Variants in DOCK9 observed in about 807,000 individuals in gnomAD.
DOCK9 encodes dedicator of cytokinesis protein 9.
DOCK9 carries 89 observed loss-of-function variants against 263.3 expected under a neutral mutation model. The ratio of observed to expected loss-of-function variants is 0.34; its 90% CI spans 0.28 to 0.40. The LOEUF is 0.40. Among genes scored for constraint, DOCK9 ranks in the 10% least tolerant of loss-of-function variants. DOCK9 has a pLI of 1.00. For missense variants in DOCK9, 2,140 were observed against 2,603.4 expected (o/e 0.82, Z 3.87); for synonymous variants, 976 against 973.1 (o/e 1.00, Z -0.06).
intron 1 of DOCK9, among the ~76,000 whole-genome samples, chr13:99,071,918 T>C (rs2142379247): frequency 6.6e-6 from 1 of 152,350 alleles, no homozygotes; most frequent in Non-Finnish European, 1.5e-5. Flanking sequence ...TTCCTCATCA[T>C]GGGGCATTAG....
chr13:99,087,313 G>C (rs576336698), upstream of DOCK9, among the ~76,000 whole-genome samples: 6 of 152,326 alleles, frequency 3.9e-5, no homozygotes, highest in African/African-American at 1.2e-4. Flanking sequence ...CCGCCGGGAC[G>C]GCCAGCTGCG....
chr13:98,848,677 G>A (rs1301174625), intron 36 of DOCK9, 38 bp from the exon 37 acceptor site: 2 of 1,589,484 alleles, frequency 1.3e-6, no homozygotes, highest in African/African-American at 2.7e-5. Flanking sequence ...GAAATGCAAA[G>A]ATAAAATTAT....
intron 1 of DOCK9, 26 bp downstream of exon 1, chr13:98,977,758 C>T (rs760273258): frequency 3.1e-5 from 50 of 1,608,996 alleles, no homozygotes; most frequent in Non-Finnish European, 4.0e-5. Flanking sequence ...GTAGACACAG[C>T]AACACTTTGT....
At chr13:99,063,152 C>T (rs1452398852) in intron 1 of DOCK9, among the ~76,000 whole-genome samples, 1 of 152,178 alleles carries the variant, frequency 6.6e-6, no homozygotes, top group Non-Finnish European at 1.5e-5. Flanking sequence ...AAGAAAAGAA[C>T]CAACAGGAAG....
intron 23 of DOCK9, among the ~76,000 whole-genome samples, chr13:98,882,595 G>A (rs557559390): frequency 6.6e-6 from 1 of 152,186 alleles, no homozygotes; most frequent in South Asian, 2.1e-4. Flanking sequence ...GACACGCCAG[G>A]AACCCCTTGC....
chr13:98,864,114 T>G (rs1270293641), intron 30 of DOCK9, among the ~76,000 whole-genome samples: 1 of 152,244 alleles, frequency 6.6e-6, no homozygotes, highest in Non-Finnish European at 1.5e-5. Context: ...TATTCTGCTA[T>G]CCCTGAATGA....
intron 2 of DOCK9, among the ~76,000 whole-genome samples, chr13:98,949,447 C>T (rs2057138345): frequency 6.6e-6 from 1 of 152,092 alleles, no homozygotes; most frequent in Admixed American, 6.6e-5. Context: ...AAAGATGCAA[C>T]TAAGCAGAAC....
chr13:99,069,445 T>A (rs1259361211), intron 1 of DOCK9, among the ~76,000 whole-genome samples: 2 of 152,228 alleles, frequency 1.3e-5, no homozygotes, highest in Non-Finnish European at 1.5e-5. Context: ...ATGGTGCAAA[T>A]AGATGTTTCA....
At chr13:98,971,268 C>G (rs1295970970) in intron 1 of DOCK9, among the ~76,000 whole-genome samples, 3 of 152,192 alleles carry the variant, frequency 2.0e-5, no homozygotes, top group African/African-American at 7.2e-5. Flanking sequence ...TCTGCAGCCT[C>G]GTGTTTAGCT....
At chr13:98,888,749 G>A in intron 15 of DOCK9, 38 bp from the exon 16 acceptor site, 1 of 1,568,708 alleles carries the variant, frequency 6.4e-7, no homozygotes, top group South Asian at 1.1e-5. Flanking sequence ...ACATTCGTAA[G>A]TTAACTCTAA....
At chr13:98,807,271 C>CG (rs1384550781) in intron 48 of DOCK9, among the ~76,000 whole-genome samples, 1 of 152,194 alleles carries the variant, frequency 6.6e-6, no homozygotes, top group Non-Finnish European at 1.5e-5. Context: ...TTCACCCATC[C>CG]GCCCATCTGT....
At chr13:99,009,754 T>G (rs887318595) in intron 1 of DOCK9, among the ~76,000 whole-genome samples, 11 of 152,088 alleles carry the variant, frequency 7.2e-5, no homozygotes, top group African/African-American at 2.7e-4. Flanking sequence ...TCTGCTGTCT[T>G]TGCACAGTGC....
chr13:98,840,192 G>T (rs2093159089), intron 38 of DOCK9, among the ~76,000 whole-genome samples: 1 of 152,224 alleles, frequency 6.6e-6, no homozygotes, highest in African/African-American at 2.4e-5. Context: ...GTAAATCCAA[G>T]AAGAGGCAGA....
chr13:98,795,780 A>G (rs1322819561), intron 52 of DOCK9, among the ~76,000 whole-genome samples: 2 of 142,174 alleles, frequency 1.4e-5, no homozygotes, highest in Non-Finnish European at 3.0e-5. Flanking sequence ...TTTTTTTGAG[A>G]TGGAGTCTCG....
intron 45 of DOCK9, among the ~76,000 whole-genome samples, chr13:98,811,706 G>T (rs1177361149): frequency 1.3e-5 from 2 of 152,206 alleles, no homozygotes; most frequent in Non-Finnish European, 2.9e-5. Context: ...CGGTCTGTAT[G>T]CCTATGTCTA....
At chr13:98,795,566 C>A (rs2089270820) in intron 52 of DOCK9, among the ~76,000 whole-genome samples, 1 of 152,164 alleles carries the variant, frequency 6.6e-6, no homozygotes, top group Admixed American at 6.5e-5. Flanking sequence ...ACAGTTTCAG[C>A]CTATGATCTC....
chr13:98,921,718 G>C (rs34753846), intron 6 of DOCK9, among the ~76,000 whole-genome samples: 8,762 of 152,244 alleles, frequency 0.058, 346 homozygotes, highest in Middle Eastern at 0.11. Context: ...AAGTGCTCAG[G>C]ATTGGCATGA....
chr13:99,086,489 C>A, exon 1 of DOCK9: 1 of 473,788 alleles, frequency 2.1e-6, no homozygotes, highest in South Asian at 8.4e-5. Flanking sequence ...CCCCGCTGCT[C>A]GCCGCGAGTC....
intron 34 of DOCK9, among the ~76,000 whole-genome samples, chr13:98,854,965 A>G (rs1455666979): frequency 6.6e-6 from 1 of 152,182 alleles, no homozygotes; most frequent in East Asian, 1.9e-4. Context: ...GTTTATTGGG[A>G]TGGGCACTTG....
Sources: gnomAD v4.1 joint callset for allele counts (sites outside exome capture counted in the v4.1 genomes callset) on GRCh38, gnomAD v4.1.1 for gene constraint, MANE v1.5 for transcripts, NCBI Gene and HGNC (gene_info 2026-07-23, HGNC 2026-07-21) for gene names.